The following THEM4 variants were observed in gnomAD, a reference collection of about 807,000 sequenced individuals.
THEM4 encodes the protein thioesterase superfamily member 4, also known as acyl-coenzyme A thioesterase THEM4.
Under a neutral mutation model 25.0 loss-of-function variants are expected in THEM4, and 22 were observed. The observed-to-expected ratio is 0.88, with a 90% CI of 0.63 to 1.26. THEM4 has a LOEUF of 1.26. THEM4 is among the 50% of genes most tolerant of loss of function. The probability of loss-of-function intolerance (pLI) is 0.00; values close to 1 mark genes in which losing one functional copy is unlikely to be tolerated. For synonymous variants in THEM4, 113 were observed against 105.6 expected (o/e 1.07, Z -0.43); for missense variants, 286 against 300.3 (o/e 0.95, Z 0.35).
At chr1:151,882,099 C>G (rs552963267) in intron 4 of THEM4, among the ~76,000 whole-genome samples, 8 of 151,988 alleles carry the variant, frequency 5.3e-5, no homozygotes, top group African/African-American at 1.9e-4. Context: ...TCATTTAGGC[C>G]GGGCATGGTG....
At position 151,873,374 on chromosome 1, in the gene THEM4, A is replaced by G. The variant is rs191268037; in HGVS notation, c.*1514T>C. Reference sequence around the variant, plus strand: ...GGTGCGGGTCCTCTGTATGCTGAGCACCGGTCCCCTGGGCCCAGGGTTCTT... The same window carrying G: ...GGTGCGGGTCCTCTGTATGCTGAGCGCCGGTCCCCTGGGCCCAGGGTTCTT... On this transcript the variant is annotated 3_prime_UTR_variant, in exon 6 of 6. Transcript: ENST00000368814. Among the ~76,000 whole-genome samples, 7 of 152,166 alleles carry G rather than the reference A, an allele frequency of 4.6e-5. No homozygotes were observed. In the East Asian group the frequency reaches 1.2e-3, roughly 25 times the overall value.
In THEM4 at chr1:151,873,964, A is replaced by G. The variant is rs1484912395; in HGVS notation, c.*924T>C. ...TGGTTTAAACAATCCAGTTTGTACT[A>G]CTTTGCTACAGCAGCCCTAGGAAAT... On this transcript the variant is annotated 3_prime_UTR_variant, in exon 6 of 6. Coordinates refer to ENST00000368814, the MANE Select transcript of THEM4 (RefSeq NM_053055.5). 1 of 152,232 alleles carries G rather than the reference A, an allele frequency of 6.6e-6. No homozygotes were observed. Among genetic ancestry groups the G allele is most frequent in the Non-Finnish European group, 1.5e-5 (1 of 68,042 alleles). The allele number at this position is 152,232 out of a possible 1,614,324, so 9.4% of individuals were successfully genotyped here. A position where few individuals can be genotyped will look rare whatever the true frequency, so the allele number is the denominator to read the frequency against.
At chr1:151,905,399 G>A (rs1654435408) in intron 1 of THEM4, among the ~76,000 whole-genome samples, 2 of 151,940 alleles carry the variant, frequency 1.3e-5, no homozygotes, top group African/African-American at 2.4e-5. Flanking sequence ...GAATTGAGAA[G>A]AAAGTCCTTT....
intron 1 of THEM4, among the ~76,000 whole-genome samples, chr1:151,898,058 T>A (rs1654265197): frequency 6.6e-6 from 1 of 152,140 alleles, no homozygotes; most frequent in Non-Finnish European, 1.5e-5. Context: ...GGCTGAACTT[T>A]GTAACAGTTT....
intron 1 of THEM4, among the ~76,000 whole-genome samples, chr1:151,897,865 C>T (rs1183061499): frequency 6.6e-6 from 1 of 152,120 alleles, no homozygotes; most frequent in Non-Finnish European, 1.5e-5. Context: ...TCTGACTTTA[C>T]CTGGAGCTGA....
At position 151,873,222 on chromosome 1, in the gene THEM4, A is replaced by G. The variant is rs1653594434; in HGVS notation, c.*1666T>C. Among the ~76,000 whole-genome samples, 2 of 152,116 alleles carry G rather than the reference A, an allele frequency of 1.3e-5. No individual in the cohort carries two copies. The highest frequency in any genetic ancestry group is 4.8e-5 in the African/African-American group (2 of 41,422). ...TCCCTTGAACTTATTTGTAACACAGATTCCTTTGCTCACAGATTTTCCTGC... is the reference window on the plus strand; with the variant it reads ...TCCCTTGAACTTATTTGTAACACAGGTTCCTTTGCTCACAGATTTTCCTGC... On this transcript the variant is annotated 3_prime_UTR_variant, in exon 6 of 6. Transcript: ENST00000368814.
chr1:151,893,803 A>G (rs1404051133), intron 2 of THEM4, among the ~76,000 whole-genome samples: 2 of 152,094 alleles, frequency 1.3e-5, no homozygotes, highest in Non-Finnish European at 2.9e-5. Flanking sequence ...GAGAGTGAAT[A>G]AACTAGGGAA....
intron 1 of THEM4, among the ~76,000 whole-genome samples, chr1:151,903,701 G>GAATATAAGGCAGAATAGTAGAA (rs1654400419): frequency 6.6e-6 from 1 of 152,194 alleles, no homozygotes; most frequent in Non-Finnish European, 1.5e-5. Flanking sequence ...AGAATAGTAT[G>GAATATAAGGCAGAATAGTAGAA]TATAAGCTTT....
intron 4 of THEM4, among the ~76,000 whole-genome samples, chr1:151,881,643 A>G (rs532396684): frequency 6.6e-6 from 1 of 152,150 alleles, no homozygotes; most frequent in Non-Finnish European, 1.5e-5. Context: ...TCTGGCTTCT[A>G]CTGTTGCTAT....
At chr1:151,885,141 T>C (rs893309719) in intron 4 of THEM4, among the ~76,000 whole-genome samples, 3 of 151,028 alleles carry the variant, frequency 2.0e-5, no homozygotes, top group African/African-American at 7.3e-5. Flanking sequence ...ATTTTTCTGA[T>C]GGAGTATCGC....
At chr1:151,878,891 T>C (rs10888446) in intron 4 of THEM4, among the ~76,000 whole-genome samples, 110,236 of 138,188 alleles carry the variant, frequency 0.8, 42,778 homozygotes, top group East Asian at 0.92. Flanking sequence ...TATATGTCTA[T>C]ACACACACAC....
chr1:151,905,768 G>T (rs930856898), intron 1 of THEM4, among the ~76,000 whole-genome samples: 3 of 152,222 alleles, frequency 2.0e-5, no homozygotes, highest in African/African-American at 7.2e-5. Flanking sequence ...CCTGTTTTCT[G>T]TAACTAGTAA....
intron 4 of THEM4, among the ~76,000 whole-genome samples, chr1:151,883,538 C>T (rs1413939744): frequency 6.6e-6 from 1 of 152,084 alleles, no homozygotes; most frequent in African/African-American, 2.4e-5. Context: ...ATGGGGATTA[C>T]AATTCTAGAT....
rs567293100 is a variant in THEM4, at chr1:151,898,393, C to T, written c.100-3199G>A. ...TTCTAGGTACACAACTCCAGTGACC[C>T]GGGAATCTCACTGCCATCCCCCACA... On this transcript the variant is annotated intron_variant, in intron 1 of 5. Transcript: ENST00000368814. Among the ~76,000 whole-genome samples the T allele has an allele frequency of 6.4e-4, 98 of 152,224 alleles. 2 individuals are homozygous for T. The South Asian group carries it at 0.017, about 27-fold the overall frequency.
intron 2 of THEM4, among the ~76,000 whole-genome samples, chr1:151,894,118 C>T (rs542953876): frequency 1.1e-4 from 17 of 152,270 alleles, no homozygotes; most frequent in African/African-American, 3.6e-4. Flanking sequence ...CCGCTTCAGT[C>T]TCCCAAAGTG....
At position 151,909,085 on chromosome 1, in the gene THEM4, TAGAC is replaced by T. The variant is rs139586166; in HGVS notation, c.99+271_99+274del. On this transcript the variant is annotated intron_variant, in intron 1 of 5. Coordinates refer to ENST00000368814, the MANE Select transcript of THEM4 (RefSeq NM_053055.5). ...AATACAGATGTTGTCAAAATATAAA[TAGAC>T]AGACTAAATTATGCAGTTCAGGTAG... Among the ~76,000 whole-genome samples the T allele has an allele frequency of 3.3e-3, 496 of 152,300 alleles. 2 individuals are homozygous for T. Among genetic ancestry groups the T allele is most frequent in the African/African-American group, 9.9e-3 (410 of 41,554 alleles).
chr1:151,900,138 C>T (rs756603808), intron 1 of THEM4, among the ~76,000 whole-genome samples: 4 of 152,130 alleles, frequency 2.6e-5, no homozygotes, highest in Admixed American at 6.5e-5. Flanking sequence ...GCCACCATTA[C>T]AAGAACTGCT....
intron 1 of THEM4, 83 bp from the exon 2 acceptor site, chr1:151,895,277 C>T (rs1258057019): frequency 2.0e-5 from 24 of 1,221,252 alleles, no homozygotes; most frequent in Non-Finnish European, 2.3e-6. Flanking sequence ...CTAAGATTAT[C>T]TTGCTGCTTT....
intron 1 of THEM4, among the ~76,000 whole-genome samples, chr1:151,906,378 C>A (rs1216522342): frequency 1.3e-5 from 2 of 152,254 alleles, no homozygotes; most frequent in Non-Finnish European, 2.9e-5. Flanking sequence ...TCTGGCGGGG[C>A]AGGGCTCGGG....
Sources: allele counts gnomAD v4.1 joint callset (sites outside exome capture counted in the v4.1 genomes callset), GRCh38; gene constraint gnomAD v4.1.1; transcripts MANE v1.5; gene names NCBI Gene and HGNC (gene_info 2026-07-23, HGNC 2026-07-21).